CD36: variants seen among roughly 807,000 people sequenced by gnomAD.
CD36 encodes the protein platelet glycoprotein 4.
CD36 carries 119 observed loss-of-function variants against 55.2 expected under a neutral mutation model. That is an observed-to-expected ratio of 2.15 (90% CI 1.86 to 2.51). CD36 has a LOEUF of 2.51. CD36 is among the 30% of genes most tolerant of loss of function. CD36 has a pLI of 0.00. For synonymous variants in CD36, 186 were observed against 193.6 expected, an observed-to-expected ratio of 0.96 and a Z score of 0.33; for missense variants, 819 against 555.5, an observed-to-expected ratio of 1.47 and a Z score of -4.77.
chr7:80,635,606 G>T (rs1036020056), upstream of CD36, among the ~76,000 whole-genome samples: 1 of 152,020 alleles, frequency 6.6e-6, no homozygotes, highest in African/African-American at 2.4e-5. Flanking sequence ...ACTATGTCAG[G>T]CTCTGTGCTA....
intron 1 of CD36, among the ~76,000 whole-genome samples, chr7:80,641,913 C>A (rs1165891367): frequency 6.7e-6 from 1 of 149,276 alleles, no homozygotes; most frequent in Non-Finnish European, 1.5e-5. Context: ...CTTAAAAGTT[C>A]ATTACAGAAA....
Position 80,656,697 on chromosome 7 carries a change from A to C in CD36, c.278A>C (p.Tyr93Ser). 3 of 1,613,194 alleles carry C rather than the reference A, an allele frequency of 1.9e-6. No individual in the cohort carries two copies. In the South Asian group the frequency reaches 3.3e-5, roughly 18 times the overall value. Residue 93 changes from tyrosine (Y) to serine (S), a missense_variant, in exon 4 of 15, where the codon TAC (tyrosine) becomes TCC (serine). Transcript: ENST00000447544. ...GTTAAGCAAAGAGGTCCTTATACGT[A>C]CAGGTGAGTGAGTCCCCACAAATAT... ...IQVKQRGPYT[Y>S]RVRFLAKENV...
chr7:80,617,513 G>A (rs1793232619), intron 1 of CD36, among the ~76,000 whole-genome samples: 1 of 152,094 alleles, frequency 6.6e-6, no homozygotes, highest in East Asian at 1.9e-4. Flanking sequence ...GATTATCTGA[G>A]GTCAGGAGTT....
chr7:80,624,844 C>G (rs1405961219), intron 1 of CD36: 2 of 151,982 alleles, frequency 1.3e-5, no homozygotes, highest in Non-Finnish European at 2.9e-5. Context: ...TTTAGATTCT[C>G]TTATATTAAT....
intron 1 of CD36, among the ~76,000 whole-genome samples, chr7:80,610,578 T>G (rs2115762736): frequency 6.6e-6 from 1 of 152,220 alleles, no homozygotes; most frequent in African/African-American, 2.4e-5. Context: ...ATTTTTTATC[T>G]TTTATCTTTT....
chr7:80,616,181 C>T (rs1793140084), intron 1 of CD36, among the ~76,000 whole-genome samples: 1 of 152,022 alleles, frequency 6.6e-6, no homozygotes, highest in South Asian at 2.1e-4. Context: ...TTTAATACAT[C>T]TAATCTACTG....
Position 80,664,457 on chromosome 7 carries a change from ATAAG to A in CD36, c.665_668del (p.Ser222LysfsTer4). On this transcript the variant is annotated frameshift_variant, in exon 7 of 15. Coordinates refer to ENST00000447544, the MANE Select transcript of CD36 (RefSeq NM_001001548.3). LOFTEE classifies it high-confidence loss of function. ...TAAAGTTTTCAATGGAAAAGATAAC[ATAAG>A]TAAAGTTGCCATAATCGACACATAT... The A allele has an allele frequency of 6.3e-7, 1 of 1,583,986 alleles. No individual in the cohort carries two copies. Among genetic ancestry groups the A allele is most frequent in the Non-Finnish European group, 8.7e-7 (1 of 1,152,886 alleles).
chr7:80,667,754 T>TTTTTTTTTG lies in CD36; in HGVS notation c.748+1273_748+1274insGTTTTTTTT, dbSNP rs1554344800. 1.7e-3 allele frequency among the ~76,000 whole-genome samples: 220 copies of TTTTTTTTTG among 128,752 alleles called. 1 individual carries two copies. The highest frequency in any genetic ancestry group is 4.7e-3 in the South Asian group (19 of 4,010). The allele number at this position is 128,752 out of a possible 152,430, so 84.5% of individuals were successfully genotyped here. ...TTGCAGGGGTTTTCTTTTGTTTTTT[T>TTTTTTTTTG]TTTTTTTTTTTTTTGAGACATAGTC... On this transcript the variant is annotated intron_variant, in intron 8 of 14. Transcript: ENST00000447544.
intron 11 of CD36, among the ~76,000 whole-genome samples, chr7:80,672,405 G>A (rs1187788565): frequency 6.6e-6 from 1 of 151,526 alleles, no homozygotes; most frequent in Non-Finnish European, 1.5e-5. Context: ...TGAAATTCTA[G>A]GATTTTAGTA....
intron 5 of CD36, chr7:80,662,585 CTTTTTTT>C (rs34614420): frequency 5.1e-6 from 1 of 195,238 alleles, no homozygotes; most frequent in Non-Finnish European, 1.1e-5. Flanking sequence ...AGACTTATGG[CTTTTTTT>C]TTTTTTAAGT....
At chr7:80,612,705 T>C (rs1158265677) in intron 1 of CD36, among the ~76,000 whole-genome samples, 1 of 152,192 alleles carries the variant, frequency 6.6e-6, no homozygotes, top group East Asian at 1.9e-4. Flanking sequence ...TACTTTCTTT[T>C]GTTGTTTTTA....
chr7:80,616,396 T>G (rs1793155072), intron 1 of CD36, among the ~76,000 whole-genome samples: 1 of 151,222 alleles, frequency 6.6e-6, no homozygotes, highest in Admixed American at 6.6e-5. Flanking sequence ...GGTTGTAAGT[T>G]GAATCATTGT....
At chr7:80,635,361 G>A (rs1468487782), upstream of CD36, among the ~76,000 whole-genome samples, 4 of 151,922 alleles carry the variant, frequency 2.6e-5, no homozygotes, top group African/African-American at 9.7e-5. Flanking sequence ...GCAAACCTCC[G>A]CCTCCCAGGT....
rs1158393003 is a variant in CD36 at position 80,678,296 on chromosome 7, T to C, written c.*1913T>C. 1 of 152,212 alleles carries C rather than the reference T, an allele frequency of 6.6e-6. No homozygotes were observed. Among genetic ancestry groups the C allele is most frequent in the Non-Finnish European group, 1.5e-5 (1 of 68,034 alleles). The allele number at this position is 152,212 out of a possible 1,614,324, so 9.4% of individuals were successfully genotyped here. On this transcript the variant is annotated 3_prime_UTR_variant, in exon 15 of 15. Coordinates refer to ENST00000447544, the MANE Select transcript of CD36 (RefSeq NM_001001548.3). ...TTGTACCCTTTGATAGAAGCACATT[T>C]TCTTTCCAAAGCTGGTTATTAACCA... is the stretch of plus-strand genomic sequence containing the variant.
In CD36 at chr7:80,672,413, G is replaced by A. The variant is rs3211946; in HGVS notation, c.1126-357G>A. Among the ~76,000 whole-genome samples the A allele has an allele frequency of 7.3e-3, 1,113 of 151,794 alleles. 15 individuals carry two copies. Among genetic ancestry groups the A allele is most frequent in the African/African-American group, 0.025 (1,029 of 41,512 alleles). ...AAGTAAATGAAATTCTAGGATTTTA[G>A]TAGTTATGTTTTAGTTTAAACAATG... is the stretch of plus-strand genomic sequence containing the variant. On this transcript the variant is annotated intron_variant, in intron 11 of 14. Coordinates refer to ENST00000447544, the MANE Select transcript of CD36 (RefSeq NM_001001548.3).
At chr7:80,631,758 G>C (rs1202620084) in intron 1 of CD36, among the ~76,000 whole-genome samples, 1 of 151,018 alleles carries the variant, frequency 6.6e-6, no homozygotes, top group East Asian at 1.9e-4. Context: ...TAAACAAAGT[G>C]ATTTAAATAA....
chr7:80,667,823 C>A (rs1797269585), intron 8 of CD36, among the ~76,000 whole-genome samples: 1 of 136,508 alleles, frequency 7.3e-6, no homozygotes, highest in East Asian at 2.2e-4. Context: ...GATCTCGGCT[C>A]ACTGCAACCT....
intron 8 of CD36, among the ~76,000 whole-genome samples, chr7:80,668,459 A>C (rs3211930): frequency 0.013 from 1,999 of 152,298 alleles, 50 homozygotes; most frequent in African/African-American, 0.046. Context: ...GTAATTTAGA[A>C]GTGCATCCTC....
chr7:80,628,913 C>CAAA (rs1793903446), intron 1 of CD36, among the ~76,000 whole-genome samples: 1 of 152,006 alleles, frequency 6.6e-6, no homozygotes, highest in Non-Finnish European at 1.5e-5. Flanking sequence ...TGGTTGCACT[C>CAAA]TTTTGAGTTT....
Sources: allele counts gnomAD v4.1 joint callset (sites outside exome capture counted in the v4.1 genomes callset), GRCh38; gene constraint gnomAD v4.1.1; transcripts MANE v1.5; gene names NCBI Gene and HGNC (gene_info 2026-07-23, HGNC 2026-07-21).